Variants in VPS13D observed in about 807,000 individuals in gnomAD.
The protein encoded by VPS13D is intermembrane lipid transfer protein VPS13D.
VPS13D carries 187 observed loss-of-function variants against 461.9 expected under a neutral mutation model. The ratio of observed to expected loss-of-function variants is 0.40; its 90% CI spans 0.36 to 0.46. The LOEUF is 0.46. VPS13D is among the 20% of genes least tolerant of loss of function. The probability of loss-of-function intolerance (pLI) is 0.60; values close to 1 mark genes in which losing one functional copy is unlikely to be tolerated. For synonymous variants in VPS13D, 1,951 were observed against 1,986.3 expected, an observed-to-expected ratio of 0.98 and a Z score of 0.47; for missense variants, 4,711 against 5,364.9, an observed-to-expected ratio of 0.88 and a Z score of 3.81.
intron 46 of VPS13D, among the ~76,000 whole-genome samples, chr1:12,352,697 G>A (rs1022243171): frequency 6.6e-6 from 1 of 152,152 alleles, no homozygotes; most frequent in Non-Finnish European, 1.5e-5. Flanking sequence ...GGGCACAGTG[G>A]CTCACACCTG....
chr1:12,506,736 G>T, intron 68 of VPS13D, 117 bp from the exon 69 acceptor site: 1 of 1,364,470 alleles, frequency 7.3e-7, no homozygotes, highest in South Asian at 1.4e-5. Context: ...AGTATTTCCC[G>T]GCAAGGGGGC....
At chr1:12,400,958 G>GCA (rs752200366) in intron 61 of VPS13D, among the ~76,000 whole-genome samples, 1,603 of 80,286 alleles carry the variant, frequency 0.02, 20 homozygotes, top group African/African-American at 0.053. Flanking sequence ...GCACCTGCGC[G>GCA]CGCGCACACA....
chr1:12,456,052 T>G lies in VPS13D; in HGVS notation c.12388T>G (p.Ser4130Ala). 6.2e-7 allele frequency: 1 copy of G among 1,613,876 alleles called. No individual in the cohort carries two copies. The highest frequency in any genetic ancestry group is 8.5e-7 in the Non-Finnish European group (1 of 1,179,866). ...GAAGACGATGGACAATCGGCATCAG[T>G]CAGAGCGGGAGTACATCAGGTACCA... is the stretch of plus-strand genomic sequence containing the variant. The part of the protein sequence containing the change: ...LGKTMDNRHQ[S>A]EREYIRYHAA... Residue 4130 changes from serine (S) to alanine (A), a missense_variant, in exon 66 of 70, where the codon TCA (serine) becomes GCA (alanine). Physicochemically the swap from Ser to Ala is moderately conservative, Grantham distance 99. Coordinates refer to ENST00000620676, the MANE Select transcript of VPS13D (RefSeq NM_015378.4).
intron 60 of VPS13D, among the ~76,000 whole-genome samples, chr1:12,397,383 C>T (rs551890627): frequency 2.0e-5 from 3 of 152,266 alleles, no homozygotes; most frequent in South Asian, 2.1e-4. Context: ...AGGCAGCATC[C>T]GATCTAATTA....
chr1:12,396,005 A>G, intron 60 of VPS13D, among the ~76,000 whole-genome samples: 1 of 127,478 alleles, frequency 7.8e-6, no homozygotes, highest in Admixed American at 7.8e-5. Flanking sequence ...AGATATATAT[A>G]TATATATATA....
At chr1:12,376,621 C>T (rs1449815654) in intron 55 of VPS13D, among the ~76,000 whole-genome samples, 2 of 152,214 alleles carry the variant, frequency 1.3e-5, no homozygotes, top group Non-Finnish European at 2.9e-5. Context: ...AATTGTGTAG[C>T]TGGATCTCAG....
In VPS13D at chr1:12,323,727, A is replaced by G. The variant is rs768989889; in HGVS notation, c.7937A>G (p.Gln2646Arg). 1 of 1,614,064 alleles carries G rather than the reference A, an allele frequency of 6.2e-7. No homozygotes were observed. Among genetic ancestry groups the G allele is most frequent in the Non-Finnish European group, 8.5e-7 (1 of 1,179,962 alleles). The stretch of plus-strand genomic sequence containing the variant: ...CTAGAGTTACAGCTGGCTAGGCTGC[A>G]GGAGCTGGGATTCAGCATGGATGAT... The part of the protein sequence containing the change: ...PVLELQLARL[Q>R]ELGFSMDDCR... Residue 2646 changes from glutamine to arginine, a missense_variant, in exon 35 of 70, where the codon CAG (glutamine) becomes CGG (arginine). By Grantham distance (43) the Gln-to-Arg change is conservative. Coordinates refer to ENST00000620676, the MANE Select transcript of VPS13D (RefSeq NM_015378.4).
chr1:12,258,811 C>T (rs1486639983), intron 10 of VPS13D, among the ~76,000 whole-genome samples: 1 of 152,210 alleles, frequency 6.6e-6, no homozygotes, highest in East Asian at 1.9e-4. Flanking sequence ...TTAGTAGACT[C>T]TTCTAAGCAC....
At chr1:12,370,535 T>C (rs1644101604) in intron 54 of VPS13D, among the ~76,000 whole-genome samples, 1 of 152,236 alleles carries the variant, frequency 6.6e-6, no homozygotes, top group South Asian at 2.1e-4. Flanking sequence ...GGTTTTTGCA[T>C]TATCTCTCTC....
chr1:12,403,736 A>T, intron 62 of VPS13D, 89 bp from the exon 63 acceptor site: 2 of 1,327,410 alleles, frequency 1.5e-6, no homozygotes, highest in Non-Finnish European at 2.0e-6. Context: ...TTTTTTGATG[A>T]TTTTTTTCTA....
At chr1:12,413,096 A>G (rs566106953) in intron 63 of VPS13D, among the ~76,000 whole-genome samples, 7 of 152,306 alleles carry the variant, frequency 4.6e-5, no homozygotes, top group African/African-American at 1.7e-4. Context: ...AGGTACCATT[A>G]CACACCCATC....
In VPS13D at chr1:12,282,731, G is replaced by C; in HGVS notation, c.4629G>C (p.Glu1543Asp). 6.2e-7 allele frequency: 1 copy of C among 1,610,958 alleles called. No individual in the cohort carries two copies. The highest frequency in any genetic ancestry group is 8.5e-7 in the Non-Finnish European group (1 of 1,177,592). The change falls in exon 21 of 70, where the codon GAG (glutamate) becomes GAC (aspartate). Residue 1543 changes from glutamate (E) to aspartate (D), a missense_variant. Coordinates refer to ENST00000620676, the MANE Select transcript of VPS13D (RefSeq NM_015378.4). ...TGGTGTTAGCAAAGCATGTATATGA[G>C]CAGGTTTTACAAACCCTGGACAATC... ...VQVVLAKHVY[E>D]QVLQTLDNLV... is the part of the protein sequence containing the mutation.
chr1:12,251,942 C>G (rs1017034772), intron 6 of VPS13D, among the ~76,000 whole-genome samples: 2 of 152,122 alleles, frequency 1.3e-5, no homozygotes, highest in African/African-American at 4.8e-5. Flanking sequence ...GCTGATCAGT[C>G]CCTTCTGGAG....
intron 49 of VPS13D, among the ~76,000 whole-genome samples, chr1:12,357,004 A>G (rs989134283): frequency 1.3e-5 from 2 of 152,248 alleles, no homozygotes; most frequent in African/African-American, 4.8e-5. Context: ...TTATGGTCTC[A>G]GAGCACTCAT....
chr1:12,476,018 A>G (rs1412968935), intron 67 of VPS13D, among the ~76,000 whole-genome samples: 1 of 152,218 alleles, frequency 6.6e-6, no homozygotes, highest in African/African-American at 2.4e-5. Context: ...TTAGATGAGT[A>G]CTTCTTAGCC....
intron 7 of VPS13D, 40 bp downstream of exon 7, chr1:12,253,866 G>T (rs1297654681): frequency 5.8e-6 from 9 of 1,562,550 alleles, no homozygotes; most frequent in Non-Finnish European, 7.9e-6. Flanking sequence ...AGACAGCATG[G>T]AAGGGAAGCG....
intron 1 of VPS13D, among the ~76,000 whole-genome samples, chr1:12,231,985 ACT>A (rs1256750745): frequency 2.0e-5 from 3 of 152,006 alleles, no homozygotes; most frequent in African/African-American, 7.3e-5. Flanking sequence ...AGGGAGCAAC[ACT>A]CTGTCTCCAG....
chr1:12,308,843 G>A (rs887700662), intron 27 of VPS13D, among the ~76,000 whole-genome samples: 1 of 151,768 alleles, frequency 6.6e-6, no homozygotes, highest in African/African-American at 2.4e-5. Flanking sequence ...GTAGAGATGG[G>A]GTTTTACCAT....
intron 67 of VPS13D, 165 bp from the exon 68 acceptor site, chr1:12,497,335 A>T: frequency 1.4e-6 from 1 of 719,106 alleles, no homozygotes; most frequent in Non-Finnish European, 2.0e-6. Context: ...GAGGGTCTTT[A>T]ACCGCTATTT....
Sources: allele counts gnomAD v4.1 joint callset (sites outside exome capture counted in the v4.1 genomes callset), GRCh38; gene constraint gnomAD v4.1.1; transcripts MANE v1.5; gene names NCBI Gene and HGNC (gene_info 2026-07-23, HGNC 2026-07-21).